TBCEL: variants seen among roughly 807,000 people sequenced by gnomAD.
TBCEL encodes tubulin folding cofactor E like, also known as tubulin-specific chaperone cofactor E-like protein.
In TBCEL, 15 loss-of-function variants were observed where a neutral mutation model predicts 44.2. The ratio of observed to expected loss-of-function variants is 0.34; its 90% confidence interval spans 0.23 to 0.52. The LOEUF is 0.52. TBCEL is among the 20% of genes least tolerant of loss of function. TBCEL has a pLI of 0.95. For missense variants in TBCEL, 319 were observed against 506.3 expected (o/e 0.63, Z 3.55); for synonymous variants, 171 against 185.4 (o/e 0.92, Z 0.63).
intron 8 of TBCEL, among the ~76,000 whole-genome samples, chr11:121,082,847 A>T (rs1411550839): frequency 6.6e-6 from 1 of 152,198 alleles, no homozygotes; most frequent in Admixed American, 6.5e-5. Flanking sequence ...AGGGAAAATC[A>T]GCAAGCTGCT....
intron 4 of TBCEL, among the ~76,000 whole-genome samples, chr11:121,049,127 C>T (rs991719300): frequency 1.9e-4 from 29 of 151,798 alleles, no homozygotes; most frequent in Admixed American, 7.9e-4. Context: ...ACCAAGTAGT[C>T]AAATATTTGT....
At chr11:121,079,127 C>G (rs1426767044) in intron 8 of TBCEL, among the ~76,000 whole-genome samples, 1 of 152,162 alleles carries the variant, frequency 6.6e-6, no homozygotes, top group Admixed American at 6.5e-5. Flanking sequence ...CTTCAAGATA[C>G]TTTGCTATAT....
At chr11:121,054,237 TAC>T (rs1945579279) in intron 5 of TBCEL, among the ~76,000 whole-genome samples, 1 of 151,972 alleles carries the variant, frequency 6.6e-6, no homozygotes, top group Non-Finnish European at 1.5e-5. Flanking sequence ...TCTTTGTATT[TAC>T]ATGTAAGTGT....
intron 8 of TBCEL, among the ~76,000 whole-genome samples, chr11:121,074,912 C>T (rs936464136): frequency 6.6e-6 from 1 of 151,958 alleles, no homozygotes. Context: ...ATCCTGTGTA[C>T]CCTTCACCTA....
intron 8 of TBCEL, among the ~76,000 whole-genome samples, chr11:121,067,768 T>C (rs960241092): frequency 1.3e-5 from 2 of 152,208 alleles, no homozygotes; most frequent in African/African-American, 2.4e-5. Flanking sequence ...ATTTCAGTTA[T>C]TAGACTCTCA....
chr11:121,047,414 C>A, intron 3 of TBCEL, 114 bp from the exon 4 acceptor site: 1 of 1,263,234 alleles, frequency 7.9e-7, no homozygotes, highest in Non-Finnish European at 1.1e-6. Flanking sequence ...TTTCTAGATC[C>A]TTATGTAATT....
At chr11:121,024,708 A>G (rs982891648) in intron 1 of TBCEL, among the ~76,000 whole-genome samples, 1 of 152,104 alleles carries the variant, frequency 6.6e-6, no homozygotes, top group African/African-American at 2.4e-5. Context: ...GGGAAATAGG[A>G]AACTTGTCTC....
At chr11:121,066,731 T>A (rs1945827866) in intron 8 of TBCEL, among the ~76,000 whole-genome samples, 1 of 152,224 alleles carries the variant, frequency 6.6e-6, no homozygotes, top group African/African-American at 2.4e-5. Context: ...AACAGAGTAT[T>A]AGTATTATAC....
chr11:121,038,184 G>T (rs1945267732), intron 2 of TBCEL, among the ~76,000 whole-genome samples: 1 of 151,962 alleles, frequency 6.6e-6, no homozygotes, highest in Non-Finnish European at 1.5e-5. Context: ...GGCTGGTCTC[G>T]AACTCCTGAT....
At chr11:121,055,909 A>AAAATGGTACATTTGTACATAGC (rs1555115827) in intron 6 of TBCEL, among the ~76,000 whole-genome samples, 4 of 151,356 alleles carry the variant, frequency 2.6e-5, no homozygotes, top group African/African-American at 9.8e-5. Flanking sequence ...GTCCCATAGC[A>AAAATGGTACATTTGTACATAGC]AAATGGTACA....
intron 8 of TBCEL, among the ~76,000 whole-genome samples, chr11:121,068,643 G>C (rs1444287439): frequency 1.3e-5 from 2 of 151,918 alleles, no homozygotes; most frequent in Non-Finnish European, 2.9e-5. Flanking sequence ...CACCACTTAG[G>C]GAGGCCAAGG....
chr11:121,087,242 C>T lies in TBCEL; in HGVS notation c.*146C>T. 1 of 871,796 alleles carries T rather than the reference C, an allele frequency of 1.1e-6. No individual in the cohort carries two copies. Among genetic ancestry groups the T allele is most frequent in the East Asian group, 2.7e-5 (1 of 37,426 alleles). The allele number at this position is 871,796 out of a possible 1,614,324, so 54.0% of individuals were successfully genotyped here. A position where few individuals can be genotyped will look rare whatever the true frequency, so the allele number is the denominator to read the frequency against. On this transcript the variant is annotated 3_prime_UTR_variant, in exon 9 of 9. Coordinates refer to ENST00000683345, the MANE Select transcript of TBCEL (RefSeq NM_001363644.2). ...GGAAGGATTTTGTATATTTTTCCCC[C>T]TGGAGTGAGTAGGGGCCATTTTTGG...
chr11:121,062,697 A>G (rs888160320), intron 8 of TBCEL, among the ~76,000 whole-genome samples: 1 of 152,180 alleles, frequency 6.6e-6, no homozygotes, highest in Non-Finnish European at 1.5e-5. Flanking sequence ...GCTTTGATTA[A>G]CTTTATTCAG....
chr11:121,031,361 A>G (rs1243599385), intron 1 of TBCEL, among the ~76,000 whole-genome samples: 1 of 152,160 alleles, frequency 6.6e-6, no homozygotes, highest in African/African-American at 2.4e-5. Context: ...GTATTGTCAG[A>G]GTTTTTAAGT....
At chr11:121,030,067 G>C (rs1164213687) in intron 1 of TBCEL, among the ~76,000 whole-genome samples, 1 of 152,124 alleles carries the variant, frequency 6.6e-6, no homozygotes, top group East Asian at 1.9e-4. Context: ...ATTTTTGATG[G>C]GGTGGTCAGA....
chr11:121,035,779 G>A (rs1182626851), intron 1 of TBCEL: 5 of 152,140 alleles, frequency 3.3e-5, no homozygotes, highest in Admixed American at 6.5e-5. Flanking sequence ...GAAACCTAAT[G>A]TATTCAAGAA....
intron 4 of TBCEL, among the ~76,000 whole-genome samples, chr11:121,051,449 C>A (rs376291974): frequency 3.7e-4 from 56 of 149,922 alleles, no homozygotes; most frequent in African/African-American, 1.4e-3. Flanking sequence ...TAATTCCTGT[C>A]CCCCTCCAAC....
At chr11:121,027,364 ATTGTCTTTTGCT>A in intron 1 of TBCEL, among the ~76,000 whole-genome samples, 1 of 152,170 alleles carries the variant, frequency 6.6e-6, no homozygotes, top group South Asian at 2.1e-4. Context: ...GACTGTTCCC[ATTGTCTTTTGCT>A]TGCATAGCTT....
chr11:121,040,180 T>C (rs962598133), intron 2 of TBCEL, among the ~76,000 whole-genome samples: 4 of 152,148 alleles, frequency 2.6e-5, no homozygotes, highest in African/African-American at 9.7e-5. Context: ...TTTTAATCTC[T>C]ACAGTCAGAG....
Sources: allele counts gnomAD v4.1 joint callset (sites outside exome capture counted in the v4.1 genomes callset), GRCh38; gene constraint gnomAD v4.1.1; transcripts MANE v1.5; gene names NCBI Gene and HGNC (gene_info 2026-07-23, HGNC 2026-07-21).